Variants in CSMD1 observed in about 807,000 individuals in gnomAD.
CSMD1 encodes the protein CUB and Sushi multiple domains 1.
In CSMD1, 213 loss-of-function variants were observed where a neutral mutation model predicts 417.5. The ratio of observed to expected loss-of-function variants is 0.51; its 90% CI spans 0.46 to 0.57. CSMD1 has a LOEUF of 0.57. Among genes scored for constraint, CSMD1 ranks in the 20% least tolerant of loss-of-function variants. The probability of loss-of-function intolerance (pLI) is 0.00; values close to 1 mark genes in which losing one functional copy is unlikely to be tolerated. For synonymous variants in CSMD1, 2,862 were observed against 1,736.8 expected (o/e 1.65, Z -16.11); for missense variants, 6,923 against 4,529.7 (o/e 1.53, Z -15.17).
At chr8:3,376,195 A>T (rs10098055) in intron 18 of CSMD1, among the ~76,000 whole-genome samples, 77,447 of 151,558 alleles carry the variant, frequency 0.51, 20,091 homozygotes, top group African/African-American at 0.58. Flanking sequence ...AATAAAAAAA[A>T]TTTTTTGACA....
In CSMD1 at chr8:4,663,235, C is replaced by T. The variant is rs373672433; in HGVS notation, c.86-25677G>A. On this transcript the variant is annotated intron_variant, in intron 1 of 69. Coordinates refer to ENST00000635120, the MANE Select transcript of CSMD1 (RefSeq NM_033225.6). ...ACACATTATCCCAGCCCGATTTTTA[C>T]TGCTGACTTTTCATTACCTGTATAT... Among the ~76,000 whole-genome samples the T allele has an allele frequency of 7.2e-5, 11 of 152,322 alleles. No homozygotes were observed. The East Asian group carries it at 9.7e-4, about 13-fold the overall frequency.
chr8:4,019,043 C>G (rs924293658), intron 4 of CSMD1, among the ~76,000 whole-genome samples: 1 of 152,176 alleles, frequency 6.6e-6, no homozygotes, highest in South Asian at 2.1e-4. Context: ...AAATCTTTAT[C>G]GCTTTGAGAC....
At chr8:3,962,065 A>G (rs1406689169) in intron 5 of CSMD1, among the ~76,000 whole-genome samples, 1 of 152,210 alleles carries the variant, frequency 6.6e-6, no homozygotes, top group Non-Finnish European at 1.5e-5. Flanking sequence ...TGCACGGACC[A>G]TCATTCTCAG....
Position 4,249,821 on chromosome 8 carries a change from A to T in CSMD1, c.415+170132T>A, listed in dbSNP as rs190415855. Among the ~76,000 whole-genome samples the T allele has an allele frequency of 2.1e-4, 32 of 152,214 alleles. No homozygotes were observed. In the East Asian group the frequency reaches 5.4e-3, roughly 26 times the overall value. ...CAGTGTCAGTTTAGAAATTCTTCTA[A>T]ATGGTGCTGTGGTTTGAATGTGTCC... On this transcript the variant is annotated intron_variant, in intron 3 of 69. Transcript: ENST00000635120.
chr8:4,115,232 C>A (rs562554135), intron 3 of CSMD1, among the ~76,000 whole-genome samples: 3 of 152,212 alleles, frequency 2.0e-5, no homozygotes, highest in Non-Finnish European at 4.4e-5. Context: ...AACATTGAGG[C>A]AAGAGCTTCC....
At chr8:3,519,644 T>C (rs956851498) in intron 10 of CSMD1, among the ~76,000 whole-genome samples, 2 of 152,186 alleles carry the variant, frequency 1.3e-5, no homozygotes, top group Non-Finnish European at 2.9e-5. Flanking sequence ...AGCACATGCA[T>C]ACGAAAGCTT....
chr8:4,558,724 C>T (rs1264372603), intron 2 of CSMD1, among the ~76,000 whole-genome samples: 1 of 152,054 alleles, frequency 6.6e-6, no homozygotes, highest in Non-Finnish European at 1.5e-5. Context: ...AAAAAATTAG[C>T]CCAGCATGGT....
At chr8:3,450,418 G>A (rs143193378) in intron 12 of CSMD1, among the ~76,000 whole-genome samples, 1,628 of 151,570 alleles carry the variant, frequency 0.011, 76 homozygotes, top group Admixed American at 0.077. Flanking sequence ...CCATTAACTC[G>A]TCATTTAGCA....
chr8:4,420,571 A>G (rs1174292713), intron 2 of CSMD1, among the ~76,000 whole-genome samples: 1 of 152,104 alleles, frequency 6.6e-6, no homozygotes, highest in Non-Finnish European at 1.5e-5. Flanking sequence ...AAAGCATGTG[A>G]ATGTGTGTAT....
At chr8:3,979,090 G>C (rs182204767) in intron 5 of CSMD1, among the ~76,000 whole-genome samples, 33 of 152,334 alleles carry the variant, frequency 2.2e-4, no homozygotes, top group Admixed American at 5.2e-4. Context: ...CCTTTGAACA[G>C]TAGCCAGTGC....
chr8:3,075,917 G>A (rs376716187), intron 49 of CSMD1, among the ~76,000 whole-genome samples: 98 of 151,716 alleles, frequency 6.5e-4, no homozygotes, highest in African/African-American at 1.7e-3. Context: ...CGGGCGTGGT[G>A]GCGGGCGCCT....
At chr8:4,371,903 G>A (rs868275156) in intron 3 of CSMD1, among the ~76,000 whole-genome samples, 3 of 152,218 alleles carry the variant, frequency 2.0e-5, no homozygotes, top group South Asian at 2.1e-4. Context: ...AGTTAAGAAG[G>A]GAAGTGTGGA....
intron 3 of CSMD1, among the ~76,000 whole-genome samples, chr8:4,159,422 G>A (rs772492198): frequency 6.6e-6 from 1 of 152,122 alleles, no homozygotes; most frequent in Non-Finnish European, 1.5e-5. Context: ...TATGAAAAAG[G>A]TATTTGCACA....
chr8:3,080,035 T>C (rs988103025), intron 49 of CSMD1, among the ~76,000 whole-genome samples: 5 of 152,204 alleles, frequency 3.3e-5, no homozygotes, highest in Admixed American at 6.5e-5. Context: ...GAAAGACTGT[T>C]TTTTGTACTC....
intron 5 of CSMD1, among the ~76,000 whole-genome samples, chr8:3,765,279 C>T (rs1042464112): frequency 6.6e-6 from 1 of 152,146 alleles, no homozygotes; most frequent in Admixed American, 6.5e-5. Context: ...TCTATGCTAG[C>T]CCCACGGACT....
At chr8:4,656,477 T>A (rs1255612608) in intron 1 of CSMD1, among the ~76,000 whole-genome samples, 4 of 152,028 alleles carry the variant, frequency 2.6e-5, no homozygotes, top group African/African-American at 9.7e-5. Flanking sequence ...GATAAGAACA[T>A]TTACGGACCA....
chr8:4,390,497 T>TTTTTTTATTTATTTATTTATGTA (rs58291340), intron 3 of CSMD1, among the ~76,000 whole-genome samples: 1 of 140,324 alleles, frequency 7.1e-6, no homozygotes, highest in Admixed American at 7.1e-5. Flanking sequence ...AAGCGTCCAT[T>TTTTTTTATTTATTTATTTATGTA]TTTATTTATT....
chr8:4,455,813 C>T (rs1212738092), intron 2 of CSMD1, among the ~76,000 whole-genome samples: 1 of 150,872 alleles, frequency 6.6e-6, no homozygotes, highest in East Asian at 2.0e-4. Flanking sequence ...TGCCTGGAAT[C>T]CCAGCTACTC....
chr8:3,111,149 G>A lies in CSMD1; in HGVS notation c.6431-814C>T, dbSNP rs192653504. On this transcript the variant is annotated intron_variant, in intron 42 of 69. Coordinates refer to ENST00000635120, the MANE Select transcript of CSMD1 (RefSeq NM_033225.6). ...CAACTCTCTTGAACCTCGAAGGGCT[G>A]TCAAAGATTTGCCACAAATGGTATA... Among the ~76,000 whole-genome samples, 9 of 152,282 alleles carry A rather than the reference G, an allele frequency of 5.9e-5. No homozygotes were observed. In the East Asian group the frequency reaches 1.7e-3, roughly 29 times the overall value.
Sources: allele counts gnomAD v4.1 joint callset (sites outside exome capture counted in the v4.1 genomes callset), GRCh38; gene constraint gnomAD v4.1.1; transcripts MANE v1.5; gene names NCBI Gene and HGNC (gene_info 2026-07-23, HGNC 2026-07-21).